Variants in PLXNA2 observed in about 807,000 individuals in gnomAD.
The protein encoded by PLXNA2 is plexin-A2.
In PLXNA2, 91 loss-of-function variants were observed where a neutral mutation model predicts 193.5. That is an observed-to-expected ratio of 0.47 (90% CI 0.40 to 0.56). PLXNA2 has a LOEUF of 0.56. Among genes scored for constraint, PLXNA2 ranks in the 20% least tolerant of loss-of-function variants. PLXNA2 has a pLI of 0.00. For missense variants in PLXNA2, 1,995 were observed against 2,503.2 expected (o/e 0.80, Z 4.33); for synonymous variants, 997 against 1,027.3 (o/e 0.97, Z 0.56).
chr1:208,196,204 CA>C (rs1348550379), intron 3 of PLXNA2, among the ~76,000 whole-genome samples: 1 of 152,180 alleles, frequency 6.6e-6, no homozygotes, highest in Non-Finnish European at 1.5e-5. Context: ...CCAACACCAA[CA>C]ATCACCCAAC....
Position 208,038,729 on chromosome 1 carries a change from G to T in PLXNA2, c.4660+96C>A. On this transcript the variant is annotated intron_variant, in intron 25 of 31. Transcript: ENST00000367033. This position sits in a 1 kb window ranked among gnomAD's most constrained non-coding sequence, Gnocchi z 4.1. ...TTTCACACGGGCCTCAGCTGGCCAG[G>T]ACACAGTCATGCCCCTGCAAGGGTT... 7.5e-7 allele frequency: 1 copy of T among 1,328,110 alleles called. No homozygotes were observed. The highest frequency in any genetic ancestry group is 1.1e-6 in the Non-Finnish European group (1 of 939,770). The allele number at this position is 1,328,110 out of a possible 1,614,324, so 82.3% of individuals were successfully genotyped here.
intron 1 of PLXNA2, among the ~76,000 whole-genome samples, chr1:208,227,328 A>G (rs1275005921): frequency 1.3e-5 from 2 of 152,164 alleles, no homozygotes; most frequent in Non-Finnish European, 2.9e-5. Context: ...TGCTATCCAT[A>G]GTTGTGTGAT....
intron 24 of PLXNA2, 40 bp downstream of exon 24, chr1:208,039,581 G>A (rs1271171873): frequency 1.9e-6 from 3 of 1,611,340 alleles, no homozygotes; most frequent in Non-Finnish European, 2.5e-6. Flanking sequence ...GGCAGAAGTA[G>A]AAGATACACA....
intron 4 of PLXNA2, among the ~76,000 whole-genome samples, chr1:208,113,955 C>G (rs1002796479): frequency 6.6e-6 from 1 of 152,098 alleles, no homozygotes; most frequent in Non-Finnish European, 1.5e-5. Context: ...CAAGAAGAAG[C>G]TGGTCAGACA....
Position 208,031,682 on chromosome 1 carries a change from CA to C in PLXNA2, c.5132del (p.Leu1711ArgfsTer10), listed in dbSNP as rs1664508241. The C allele has an allele frequency of 1.9e-6, 3 of 1,613,508 alleles. No individual in the cohort carries two copies. Among genetic ancestry groups the C allele is most frequent in the Non-Finnish European group, 2.5e-6 (3 of 1,179,970 alleles). ...GGAAATCAAACATGTACTTGATGGCCAGGGGGAGAGCGCTGCCCCGGTGCAC... is the reference window on the plus strand; with the variant it reads ...GGAAATCAAACATGTACTTGATGGCCGGGGGAGAGCGCTGCCCCGGTGCAC... ...STVHRGSALP[L>X]AIKYMFDFLD... On this transcript the variant is annotated frameshift_variant, in exon 29 of 32. Coordinates refer to ENST00000367033, the MANE Select transcript of PLXNA2 (RefSeq NM_025179.4). LOFTEE classifies it high-confidence loss of function.
At position 208,190,552 on chromosome 1, in the gene PLXNA2, C is replaced by T. The variant is rs149478094; in HGVS notation, c.1371+19728G>A. ...CAGGGTTTGTCAACCTCAGTACTAT[C>T]GACATCATGGACCAGATAATTCTTC... On this transcript the variant is annotated intron_variant, in intron 3 of 31. Transcript: ENST00000367033. Among the ~76,000 whole-genome samples, 60 of 152,290 alleles carry T rather than the reference C, an allele frequency of 3.9e-4. No homozygotes were observed. In the East Asian group the frequency reaches 0.01, roughly 26 times the overall value.
intron 4 of PLXNA2, among the ~76,000 whole-genome samples, chr1:208,121,065 G>A (rs537737007): frequency 2.0e-5 from 3 of 152,202 alleles, no homozygotes; most frequent in East Asian, 1.9e-4. Flanking sequence ...CTTAATAACC[G>A]AAAAAGTAAA....
At position 208,040,150 on chromosome 1, in the gene PLXNA2, A is replaced by G. The variant is rs1341579484; in HGVS notation, c.4287-92T>C. The G allele has an allele frequency of 4.9e-6, 5 of 1,019,626 alleles. No individual in the cohort carries two copies. The Admixed American group carries it at 5.3e-5, about 11-fold the overall frequency. 63.2% of individuals were successfully genotyped at this position (1,019,626 alleles called of 1,614,324 possible). On this transcript the variant is annotated intron_variant, in intron 22 of 31. Transcript: ENST00000367033. The stretch of plus-strand genomic sequence containing the variant: ...TGCCATGAGGTCTCCCAAGAGAACA[A>G]TGGAGCATGGGAGAACGCAGGGCGG...
At chr1:208,183,724 T>C (rs1669915964) in intron 3 of PLXNA2, among the ~76,000 whole-genome samples, 1 of 152,136 alleles carries the variant, frequency 6.6e-6, no homozygotes, top group Non-Finnish European at 1.5e-5. Flanking sequence ...TGCTTTAAGC[T>C]GGGAATTTGG....
intron 3 of PLXNA2, among the ~76,000 whole-genome samples, chr1:208,156,354 T>A (rs979896198): frequency 7.9e-5 from 12 of 152,074 alleles, no homozygotes; most frequent in Admixed American, 4.6e-4. Flanking sequence ...TATTTAACAA[T>A]CCTAGAATGT....
At position 208,210,123 on chromosome 1, in the gene PLXNA2, C is replaced by T. The variant is rs549407124; in HGVS notation, c.1371+157G>A. 72 of 722,100 alleles carry T rather than the reference C, an allele frequency of 1.0e-4. No homozygotes were observed. The African/African-American group carries it at 1.1e-3, about 11-fold the overall frequency. The allele number at this position is 722,100 out of a possible 1,614,324, so 44.7% of individuals were successfully genotyped here. A position where few individuals can be genotyped will look rare whatever the true frequency, so the allele number is the denominator to read the frequency against. On this transcript the variant is annotated intron_variant, in intron 3 of 31. Coordinates refer to ENST00000367033, the MANE Select transcript of PLXNA2 (RefSeq NM_025179.4). ...TGGAGGAAGTAGCTAGAAGCTAAGTCACAAAATTAACCCCTTCTTACCTCC... is the reference window on the plus strand; with the variant it reads ...TGGAGGAAGTAGCTAGAAGCTAAGTTACAAAATTAACCCCTTCTTACCTCC...
intron 4 of PLXNA2, among the ~76,000 whole-genome samples, chr1:208,111,644 C>T (rs1667479403): frequency 6.6e-6 from 1 of 152,190 alleles, no homozygotes; most frequent in Non-Finnish European, 1.5e-5. Context: ...GGAAGCAGAA[C>T]ACCTCTGAGC....
intron 4 of PLXNA2, among the ~76,000 whole-genome samples, chr1:208,108,898 G>A (rs1667367386): frequency 6.6e-6 from 1 of 152,206 alleles, no homozygotes; most frequent in African/African-American, 2.4e-5. Context: ...CAAGCGATCT[G>A]CAAGATTTCT....
chr1:208,079,893 C>A (rs1012571384), intron 11 of PLXNA2, among the ~76,000 whole-genome samples: 3 of 152,132 alleles, frequency 2.0e-5, no homozygotes, highest in African/African-American at 7.2e-5. Flanking sequence ...TTTCTTTGAA[C>A]TCGTGCTATA....
At chr1:208,117,538 A>T (rs988360289) in intron 4 of PLXNA2, among the ~76,000 whole-genome samples, 1 of 152,194 alleles carries the variant, frequency 6.6e-6, no homozygotes, top group Non-Finnish European at 1.5e-5. Flanking sequence ...GTATGGAGAG[A>T]ACTGGAAAAT....
At position 208,100,979 on chromosome 1, in the gene PLXNA2, C is replaced by T. The variant is rs1052569838; in HGVS notation, c.1608-2010G>A. On this transcript the variant is annotated intron_variant, in intron 5 of 31. Transcript: ENST00000367033. ...AAGCAGTGATTCGCACCCTAACTCCCTCCAAACTCCTCCCCCTCTTCCTTT... is the reference window on the plus strand; with the variant it reads ...AAGCAGTGATTCGCACCCTAACTCCTTCCAAACTCCTCCCCCTCTTCCTTT... Among the ~76,000 whole-genome samples the T allele has an allele frequency of 5.3e-5, 8 of 152,248 alleles. 1 individual carries two copies. The highest frequency in any genetic ancestry group is 5.2e-4 in the Admixed American group (8 of 15,292).
At chr1:208,065,472 G>A (rs1276668192) in intron 12 of PLXNA2, among the ~76,000 whole-genome samples, 2 of 152,182 alleles carry the variant, frequency 1.3e-5, no homozygotes, top group Admixed American at 6.5e-5. Context: ...ATAACATCTG[G>A]AGAGTTCTTA....
chr1:208,093,249 C>T (rs1304270158), intron 8 of PLXNA2, among the ~76,000 whole-genome samples: 2 of 152,206 alleles, frequency 1.3e-5, no homozygotes, highest in Non-Finnish European at 2.9e-5. Flanking sequence ...AGTTGCGCCA[C>T]AGAATTTGGC....
intron 11 of PLXNA2, among the ~76,000 whole-genome samples, chr1:208,081,151 C>T (rs1017373492): frequency 6.6e-6 from 1 of 152,216 alleles, no homozygotes; most frequent in African/African-American, 2.4e-5. Context: ...GGGATCTAAG[C>T]CCAGATCCCC....
Sources: allele counts gnomAD v4.1 joint callset (sites outside exome capture counted in the v4.1 genomes callset), GRCh38; gene constraint gnomAD v4.1.1; non-coding constraint Gnocchi (gnomAD v3.1); transcripts MANE v1.5; gene names NCBI Gene and HGNC (gene_info 2026-07-23, HGNC 2026-07-21).